The following TRPC4 variants were observed in gnomAD, a reference collection of about 807,000 sequenced individuals.
The protein encoded by TRPC4 is transient receptor potential cation channel subfamily C member 4.
Under a neutral mutation model 99.4 loss-of-function variants are expected in TRPC4, and 49 were observed. The ratio of observed to expected loss-of-function variants is 0.49; its 90% CI spans 0.39 to 0.63. The LOEUF is 0.63. Ranked by LOEUF, TRPC4 falls within the 20% of genes least tolerant of loss-of-function variation. TRPC4 has a pLI of 0.00. For missense variants in TRPC4, 898 were observed against 1,152.9 expected (o/e 0.78, Z 3.20); for synonymous variants, 454 against 425.9 (o/e 1.07, Z -0.81).
At chr13:37,797,623 G>A (rs2139417121) in intron 1 of TRPC4, among the ~76,000 whole-genome samples, 1 of 152,162 alleles carries the variant, frequency 6.6e-6, no homozygotes, top group South Asian at 2.1e-4. Context: ...TACCAGTCAA[G>A]TTTATTTCTA....
intron 1 of TRPC4, among the ~76,000 whole-genome samples, chr13:37,855,948 T>A (rs1959170547): frequency 6.6e-6 from 1 of 151,428 alleles, no homozygotes; most frequent in Non-Finnish European, 1.5e-5. Context: ...TTCAAATAAA[T>A]GATTTAAGGA....
intron 3 of TRPC4, among the ~76,000 whole-genome samples, chr13:37,697,838 C>T (rs1366860877): frequency 1.3e-5 from 2 of 152,152 alleles, no homozygotes; most frequent in Non-Finnish European, 2.9e-5. Flanking sequence ...TTACCTATAG[C>T]TCCATTGTAT....
intron 2 of TRPC4, among the ~76,000 whole-genome samples, chr13:37,756,691 C>T (rs984008684): frequency 2.6e-5 from 4 of 151,670 alleles, no homozygotes; most frequent in Non-Finnish European, 5.9e-5. Flanking sequence ...CACCACCACA[C>T]CTGGCTTAAT....
chr13:37,806,266 T>C (rs1957527679), intron 1 of TRPC4, among the ~76,000 whole-genome samples: 1 of 152,070 alleles, frequency 6.6e-6, no homozygotes, highest in South Asian at 2.1e-4. Flanking sequence ...AGTTCATCAG[T>C]GCACTTTTTT....
intron 1 of TRPC4, among the ~76,000 whole-genome samples, chr13:37,847,355 A>G (rs1474772843): frequency 6.6e-6 from 1 of 152,134 alleles, no homozygotes; most frequent in Non-Finnish European, 1.5e-5. Flanking sequence ...TCAGAGCACA[A>G]TGATATAAAA....
chr13:37,798,061 C>T (rs1957303416), intron 1 of TRPC4, among the ~76,000 whole-genome samples: 1 of 152,138 alleles, frequency 6.6e-6, no homozygotes, highest in African/African-American at 2.4e-5. Flanking sequence ...TCAATTACCT[C>T]TAGGCCTTGG....
intron 1 of TRPC4, among the ~76,000 whole-genome samples, chr13:37,861,332 T>C (rs1475446477): frequency 6.6e-6 from 1 of 151,606 alleles, no homozygotes; most frequent in Non-Finnish European, 1.5e-5. Flanking sequence ...ATGTTGCCAA[T>C]AATTATTGCC....
At chr13:37,678,717 A>C (rs1566090030) in intron 4 of TRPC4, among the ~76,000 whole-genome samples, 1 of 152,256 alleles carries the variant, frequency 6.6e-6, no homozygotes, top group African/African-American at 2.4e-5. Flanking sequence ...ACTCTTGCAA[A>C]GATAACAACA....
intron 3 of TRPC4, among the ~76,000 whole-genome samples, chr13:37,707,620 A>G (rs1487560714): frequency 6.6e-6 from 1 of 152,122 alleles, no homozygotes. Context: ...ACTAATATCC[A>G]TTCCAACTCC....
intron 2 of TRPC4, among the ~76,000 whole-genome samples, chr13:37,759,545 T>C (rs983540633): frequency 1.3e-5 from 2 of 151,722 alleles, no homozygotes; most frequent in African/African-American, 4.8e-5. Context: ...ATAAAAAATC[T>C]TATAAGCAAT....
chr13:37,851,295 C>T (rs1959048408), intron 1 of TRPC4, among the ~76,000 whole-genome samples: 1 of 152,142 alleles, frequency 6.6e-6, no homozygotes, highest in South Asian at 2.1e-4. Flanking sequence ...GATAACAAAA[C>T]TTCTACAATT....
intron 1 of TRPC4, among the ~76,000 whole-genome samples, chr13:37,825,693 G>A (rs369667258): frequency 6.9e-6 from 1 of 144,120 alleles, no homozygotes; most frequent in South Asian, 2.3e-4. Flanking sequence ...TTACTTCCAA[G>A]TATGTGGTCA....
At position 37,799,977 on chromosome 13, in the gene TRPC4, G is replaced by T. The variant is rs541950665; in HGVS notation, c.-27-16617C>A. On this transcript the variant is annotated intron_variant, in intron 1 of 10. Transcript: ENST00000379705. ...AAAGTAGATAATTATGTCCATAGGC[G>T]GGGTTGTTGCAGTGCAAATGCGATA... 7.9e-5 allele frequency among the ~76,000 whole-genome samples: 12 copies of T among 152,256 alleles called. 1 individual carries two copies. The South Asian group carries it at 2.5e-3, about 32-fold the overall frequency.
chr13:37,661,753 C>G (rs151321936), intron 6 of TRPC4, among the ~76,000 whole-genome samples: 3 of 150,314 alleles, frequency 2.0e-5, no homozygotes, highest in African/African-American at 4.9e-5. Flanking sequence ...TTGTAAATCT[C>G]TAATCCGTTT....
chr13:37,733,148 C>CTG (rs1279414485), intron 3 of TRPC4, among the ~76,000 whole-genome samples: 1 of 152,102 alleles, frequency 6.6e-6, no homozygotes, highest in Admixed American at 6.6e-5. Flanking sequence ...TTGCATGTAC[C>CTG]TGTGGTTCCA....
chr13:37,733,853 A>T (rs1418389258), intron 3 of TRPC4, among the ~76,000 whole-genome samples: 1 of 152,202 alleles, frequency 6.6e-6, no homozygotes, highest in Non-Finnish European at 1.5e-5. Flanking sequence ...CACACAAATA[A>T]AATTATTTTG....
At chr13:37,825,311 C>A (rs989370196) in intron 1 of TRPC4, among the ~76,000 whole-genome samples, 72 of 150,386 alleles carry the variant, frequency 4.8e-4, no homozygotes, top group Non-Finnish European at 9.0e-4. Context: ...TTGCCTTCTG[C>A]TAGCTTTTGA....
At chr13:37,743,510 A>G (rs1229304286) in intron 3 of TRPC4, among the ~76,000 whole-genome samples, 1 of 152,152 alleles carries the variant, frequency 6.6e-6, no homozygotes, top group Non-Finnish European at 1.5e-5. Flanking sequence ...GAACATTTTT[A>G]GTGGTTCAGG....
chr13:37,823,430 T>C (rs935291296), intron 1 of TRPC4, among the ~76,000 whole-genome samples: 1 of 139,920 alleles, frequency 7.1e-6, no homozygotes, highest in African/African-American at 2.6e-5. Flanking sequence ...CTTTAATCCA[T>C]CTTGAATTGA....
Sources: allele counts gnomAD v4.1 joint callset (sites outside exome capture counted in the v4.1 genomes callset), GRCh38; gene constraint gnomAD v4.1.1; transcripts MANE v1.5; gene names NCBI Gene and HGNC (gene_info 2026-07-23, HGNC 2026-07-21).